DLEU7: variants seen among roughly 807,000 people sequenced by gnomAD.
The protein encoded by DLEU7 is leukemia-associated protein 7.
Under a neutral mutation model 16.0 loss-of-function variants are expected in DLEU7, and 17 were observed. The ratio of observed to expected loss-of-function variants is 1.06; its 90% CI spans 0.73 to 1.59. The LOEUF (loss-of-function observed/expected upper bound fraction) is 1.59. Ranked by LOEUF, DLEU7 falls within the 40% of genes most tolerant of loss-of-function variation. DLEU7 has a pLI of 0.00. For synonymous variants in DLEU7, 113 were observed against 139.8 expected, an observed-to-expected ratio of 0.81 and a Z score of 1.35; for missense variants, 308 against 314.9, an observed-to-expected ratio of 0.98 and a Z score of 0.17.
chr13:50,802,454 C>T (rs1172108283), intron 1 of DLEU7, among the ~76,000 whole-genome samples: 2 of 152,122 alleles, frequency 1.3e-5, no homozygotes, highest in Non-Finnish European at 2.9e-5. Flanking sequence ...ATAGCAAGCC[C>T]ATGTTCTTCA....
At chr13:50,808,410 A>G (rs1484095141) in intron 1 of DLEU7, 2 of 152,182 alleles carry the variant, frequency 1.3e-5, no homozygotes, top group Non-Finnish European at 2.9e-5. Context: ...AAGTATATAT[A>G]CTTATATGAG....
At chr13:50,713,075 A>G (rs1002418436) in exon 2 of DLEU7, 9 of 890,358 alleles carry the variant, frequency 1.0e-5, no homozygotes, top group Admixed American at 2.2e-5. Context: ...TTGGAGACCA[A>G]TACGAAGGCA....
intron 1 of DLEU7, among the ~76,000 whole-genome samples, chr13:50,809,046 TTCCA>T (rs1876483089): frequency 6.6e-6 from 1 of 152,094 alleles, no homozygotes. Context: ...TCCCAGTCAA[TTCCA>T]CATGTCAAGA....
chr13:50,778,942 T>A (rs1875577570), intron 1 of DLEU7, among the ~76,000 whole-genome samples: 1 of 152,242 alleles, frequency 6.6e-6, no homozygotes, highest in Non-Finnish European at 1.5e-5. Context: ...AATGATTCCA[T>A]GTATAAATCT....
intron 1 of DLEU7, among the ~76,000 whole-genome samples, chr13:50,762,318 A>G (rs1254529909): frequency 6.6e-6 from 1 of 152,016 alleles, no homozygotes; most frequent in East Asian, 1.9e-4. Context: ...GATTACGACT[A>G]TCACAAGCAG....
Position 50,823,120 on chromosome 13 carries a change from C to T in DLEU7, c.*194G>A, listed in dbSNP as rs1876964196. The T allele has an allele frequency of 2.9e-6, 4 of 1,382,798 alleles. No individual in the cohort carries two copies. The highest frequency in any genetic ancestry group is 3.7e-6 in the Non-Finnish European group (4 of 1,068,718). 85.7% of individuals were successfully genotyped at this position (1,382,798 alleles called of 1,614,324 possible). ...ATATACTTAAAAATATGAACTACTG[C>T]TTTAAAAAAATTTCATTAACATGCT... On this transcript the variant is annotated 3_prime_UTR_variant, in exon 2 of 2. Transcript: ENST00000504404.
intron 1 of DLEU7, among the ~76,000 whole-genome samples, chr13:50,783,801 T>G (rs1369654352): frequency 7.0e-6 from 1 of 141,966 alleles, no homozygotes; most frequent in African/African-American, 3.1e-5. Context: ...AACAGACACT[T>G]TTTTACACAC....
chr13:50,799,134 G>A (rs1290534590), intron 1 of DLEU7, among the ~76,000 whole-genome samples: 1 of 152,138 alleles, frequency 6.6e-6, no homozygotes, highest in Non-Finnish European at 1.5e-5. Context: ...CACAAACAAT[G>A]AGCTTTGCCT....
At chr13:50,736,143 G>A (rs1874063945) in intron 1 of DLEU7, among the ~76,000 whole-genome samples, 1 of 151,966 alleles carries the variant, frequency 6.6e-6, no homozygotes, top group African/African-American at 2.4e-5. Context: ...AAGAAAATGT[G>A]GTACATTTAC....
chr13:50,743,385 C>A (rs186905581), intron 1 of DLEU7, among the ~76,000 whole-genome samples: 98 of 152,200 alleles, frequency 6.4e-4, no homozygotes, highest in Non-Finnish European at 1.3e-3. Context: ...GGACTGTGAG[C>A]ATGTGAGGTT....
At chr13:50,772,526 G>T (rs1479504588) in intron 1 of DLEU7, among the ~76,000 whole-genome samples, 2 of 152,110 alleles carry the variant, frequency 1.3e-5, no homozygotes, top group Admixed American at 1.3e-4. Context: ...CACTTATGAA[G>T]CTTAGTTTGG....
intron 1 of DLEU7, among the ~76,000 whole-genome samples, chr13:50,761,704 T>G (rs1479742931): frequency 6.6e-6 from 1 of 152,132 alleles, no homozygotes; most frequent in African/African-American, 2.4e-5. Flanking sequence ...TGGGCCCCAA[T>G]CTGACTGCCA....
At chr13:50,821,509 A>G (rs1014622781), downstream of DLEU7, among the ~76,000 whole-genome samples, 1 of 152,268 alleles carries the variant, frequency 6.6e-6, no homozygotes, top group East Asian at 1.9e-4. Context: ...TGTGATAAAC[A>G]CCAGAAAAGT....
intron 1 of DLEU7, among the ~76,000 whole-genome samples, chr13:50,838,437 T>C (rs529241501): frequency 6.6e-6 from 1 of 152,382 alleles, no homozygotes; most frequent in South Asian, 2.1e-4. Context: ...TCAGAGTAAC[T>C]TCGTAATTGG....
At chr13:50,762,213 A>G (rs1253438078) in intron 1 of DLEU7, among the ~76,000 whole-genome samples, 8 of 148,122 alleles carry the variant, frequency 5.4e-5, no homozygotes, top group African/African-American at 2.0e-4. Flanking sequence ...AAAAAAAAAG[A>G]AAAGAAAATA....
chr13:50,778,807 G>A (rs1875573311), intron 1 of DLEU7, among the ~76,000 whole-genome samples: 1 of 152,154 alleles, frequency 6.6e-6, no homozygotes, highest in Non-Finnish European at 1.5e-5. Flanking sequence ...TGGCCTATGA[G>A]CCGTGAATTT....
chr13:50,735,574 A>G (rs1366749826), intron 1 of DLEU7, among the ~76,000 whole-genome samples: 1 of 152,088 alleles, frequency 6.6e-6, no homozygotes, highest in Non-Finnish European at 1.5e-5. Flanking sequence ...GAAAAAATAG[A>G]AAATATATGA....
chr13:50,768,895 C>T (rs1014879485), intron 1 of DLEU7, among the ~76,000 whole-genome samples: 25 of 152,194 alleles, frequency 1.6e-4, no homozygotes, highest in Admixed American at 1.5e-3. Flanking sequence ...GTTTACATTC[C>T]CACCAACAGT....
intron 1 of DLEU7, among the ~76,000 whole-genome samples, chr13:50,729,193 T>G (rs527812249): frequency 2.2e-4 from 33 of 152,232 alleles, no homozygotes; most frequent in Non-Finnish European, 4.1e-4. Context: ...CCCTCCACCC[T>G]CAATTAGGCT....
Sources: allele counts gnomAD v4.1 joint callset (sites outside exome capture counted in the v4.1 genomes callset), GRCh38; gene constraint gnomAD v4.1.1; transcripts MANE v1.5; gene names NCBI Gene and HGNC (gene_info 2026-07-23, HGNC 2026-07-21).